Variants in SCLT1 observed in about 807,000 individuals in gnomAD.
The protein encoded by SCLT1 is sodium channel and clathrin linker 1, also known as sodium channel-associated protein 1.
A neutral mutation model predicts 112.8 loss-of-function variants in SCLT1; 78 were observed. The observed-to-expected ratio is 0.69, with a 90% CI of 0.58 to 0.83. The LOEUF (loss-of-function observed/expected upper bound fraction) is 0.83, where lower values mean the gene tolerates loss of function less well. SCLT1 is among the 40% of genes least tolerant of loss of function. The pLI, the probability that SCLT1 is intolerant of heterozygous loss-of-function variation, is 0.00. For missense variants in SCLT1, 747 were observed against 770.4 expected (o/e 0.97, Z 0.36); for synonymous variants, 257 against 254.7 (o/e 1.01, Z -0.09).
chr4:128,920,822 C>T (rs986498034), intron 18 of SCLT1, among the ~76,000 whole-genome samples: 2 of 152,084 alleles, frequency 1.3e-5, no homozygotes, highest in Non-Finnish European at 1.5e-5. Context: ...AGCAATGAGG[C>T]AAAAGAAAGA....
chr4:128,971,105 A>G (rs567436318), intron 9 of SCLT1: 1 of 152,194 alleles, frequency 6.6e-6, no homozygotes, highest in East Asian at 1.9e-4. Flanking sequence ...TTTTAGAACA[A>G]TAATATGACT....
intron 5 of SCLT1, among the ~76,000 whole-genome samples, chr4:129,008,842 G>A (rs1338206454): frequency 6.6e-6 from 1 of 152,096 alleles, no homozygotes; most frequent in African/African-American, 2.4e-5. Flanking sequence ...AGGCCCCAGT[G>A]TGTGTAGTTT....
At position 128,948,533 on chromosome 4, in the gene SCLT1, A is replaced by G; in HGVS notation, c.1256T>C (p.Ile419Thr). 6.2e-7 allele frequency: 1 copy of G among 1,607,470 alleles called. No homozygotes were observed. Among genetic ancestry groups the G allele is most frequent in the Non-Finnish European group, 8.5e-7 (1 of 1,175,972 alleles). Residue 419 changes from isoleucine to threonine, a missense_variant, in exon 15 of 21, where the codon ATT becomes ACT. Ile to Thr is a moderately conservative substitution (Grantham distance 89). Around this residue, in one of 2 missense-constraint regions of SCLT1, gnomAD observed 723 missense variants for 721.3 expected, o/e 1.00. Coordinates refer to ENST00000281142, the MANE Select transcript of SCLT1 (RefSeq NM_144643.4). ...AEKQGQIERVIKEKKAVEEEL... is the reference protein window; with the variant it reads ...AEKQGQIERVTKEKKAVEEEL... ...TTCTTCCACTGCTTTTTTTTCCTTA[A>G]TGACTCGTTCAATTTGGCCTTGTTT...
downstream of SCLT1, among the ~76,000 whole-genome samples, chr4:128,879,467 A>AGAT (rs745420139): frequency 4.9e-4 from 74 of 152,306 alleles, no homozygotes; most frequent in South Asian, 6.2e-3. Context: ...CAAACTCTAA[A>AGAT]GATACAATGT....
intron 6 of SCLT1, among the ~76,000 whole-genome samples, chr4:129,000,004 T>A (rs1276945773): frequency 6.6e-6 from 1 of 151,884 alleles, no homozygotes; most frequent in African/African-American, 2.4e-5. Context: ...GTTCCTTATT[T>A]TGAAATTGTG....
At chr4:128,975,950 T>A (rs1020258019) in intron 9 of SCLT1, among the ~76,000 whole-genome samples, 2 of 152,322 alleles carry the variant, frequency 1.3e-5, no homozygotes, top group Non-Finnish European at 2.9e-5. Flanking sequence ...CAGTGGATAT[T>A]ATAATCCATA....
chr4:128,940,642 T>A (rs1737611723), intron 17 of SCLT1, among the ~76,000 whole-genome samples: 1 of 152,030 alleles, frequency 6.6e-6, no homozygotes, highest in South Asian at 2.1e-4. Flanking sequence ...CAGGTAGTAA[T>A]CCTTTATACA....
At chr4:128,934,680 G>A (rs1051715644) in intron 18 of SCLT1, among the ~76,000 whole-genome samples, 8 of 151,680 alleles carry the variant, frequency 5.3e-5, no homozygotes, top group African/African-American at 1.9e-4. Context: ...GATTACAAAC[G>A]GTTTTTCTAT....
At chr4:128,943,294 G>A in intron 16 of SCLT1, 106 bp from the exon 17 acceptor site, 1 of 771,110 alleles carries the variant, frequency 1.3e-6, no homozygotes, top group Non-Finnish European at 2.0e-6. Context: ...GCTTTATTCT[G>A]AGCCATTTCT....
chr4:128,988,347 G>T (rs1023846135), intron 9 of SCLT1, among the ~76,000 whole-genome samples: 2 of 152,018 alleles, frequency 1.3e-5, no homozygotes, highest in African/African-American at 4.8e-5. Context: ...CAGGGGAGAT[G>T]AAGTTAAAGT....
chr4:128,937,353 T>C (rs938686742), intron 17 of SCLT1, among the ~76,000 whole-genome samples: 2 of 152,084 alleles, frequency 1.3e-5, no homozygotes, highest in Non-Finnish European at 2.9e-5. Flanking sequence ...AAACTTATAA[T>C]GTTATGTCAG....
intron 5 of SCLT1, among the ~76,000 whole-genome samples, chr4:129,014,753 T>C (rs926339064): frequency 1.3e-5 from 2 of 152,210 alleles, no homozygotes; most frequent in Middle Eastern, 3.2e-3. Flanking sequence ...AAGTGTTTCA[T>C]AGTGCAGTGA....
At position 128,968,715 on chromosome 4, in the gene SCLT1, TA is replaced by T. The variant is rs1171473070; in HGVS notation, c.777+1662del. Among the ~76,000 whole-genome samples, 6 of 152,260 alleles carry T rather than the reference TA, an allele frequency of 3.9e-5. 1 individual carries two copies. Among genetic ancestry groups the T allele is most frequent in the Non-Finnish European group, 7.3e-5 (5 of 68,046 alleles). On this transcript the variant is annotated intron_variant, in intron 10 of 20. Transcript: ENST00000281142. ...CTTTTGAGCATTAAATTTTTATTTTTATTTTTTTAGTTCAAGTAGACAATTA... is the reference window on the plus strand; with the variant it reads ...CTTTTGAGCATTAAATTTTTATTTTTTTTTTTTAGTTCAAGTAGACAATTA...
In SCLT1 at chr4:128,888,395, T is replaced by C. The variant is rs148076934; in HGVS notation, c.2004+284A>G. ...CTATATTTGGCTAATTTTTAAAATT[T>C]TTTGTAGAGAAAAGGTATTGCCATG... On this transcript the variant is annotated intron_variant, in intron 20 of 20. Coordinates refer to ENST00000281142, the MANE Select transcript of SCLT1 (RefSeq NM_144643.4). Among the ~76,000 whole-genome samples the C allele has an allele frequency of 7.4e-3, 1,126 of 152,202 alleles. 8 individuals carry two copies. Among genetic ancestry groups the C allele is most frequent in the Non-Finnish European group, 0.01 (702 of 68,008 alleles).
chr4:128,953,612 G>A (rs1738954031), intron 13 of SCLT1, among the ~76,000 whole-genome samples: 1 of 151,860 alleles, frequency 6.6e-6, no homozygotes, highest in Non-Finnish European at 1.5e-5. Context: ...GGCTAACACA[G>A]TGAAACTCCG....
chr4:128,922,909 T>C (rs1301899307), intron 18 of SCLT1, among the ~76,000 whole-genome samples: 1 of 151,832 alleles, frequency 6.6e-6, no homozygotes, highest in Non-Finnish European at 1.5e-5. Flanking sequence ...TGCAGCACAA[T>C]GAAAAAAGAT....
intron 3 of SCLT1, 60 bp downstream of exon 3, chr4:129,043,933 A>G: frequency 1.2e-6 from 1 of 848,638 alleles, no homozygotes; most frequent in Non-Finnish European, 2.0e-6. Context: ...CTGATACTGA[A>G]TTATGCTAAT....
chr4:129,046,060 C>G (rs1038756118), intron 2 of SCLT1, among the ~76,000 whole-genome samples: 6 of 152,074 alleles, frequency 3.9e-5, no homozygotes, highest in Admixed American at 1.3e-4. Context: ...TATTCAAGTA[C>G]TACACACATA....
At chr4:129,011,928 T>C (rs1196082914) in intron 5 of SCLT1, among the ~76,000 whole-genome samples, 1 of 152,104 alleles carries the variant, frequency 6.6e-6, no homozygotes, top group Non-Finnish European at 1.5e-5. Flanking sequence ...TTCTCTCTTT[T>C]CTTCTTTATT....
Sources: gnomAD v4.1 joint callset for allele counts (sites outside exome capture counted in the v4.1 genomes callset) on GRCh38, gnomAD v4.1.1 for gene constraint, gnomAD v4.1.1 regional missense constraint, MANE v1.5 for transcripts, NCBI Gene and HGNC (gene_info 2026-07-23, HGNC 2026-07-21) for gene names.